Variants in ZDHHC11B observed in about 807,000 individuals in gnomAD.
The protein encoded by ZDHHC11B is zDHHC palmitoyltransferase 11B (putative).
In ZDHHC11B, 17 loss-of-function variants were observed where a neutral mutation model predicts 42.3. That is an observed-to-expected ratio of 0.40 (90% CI 0.27 to 0.60). The LOEUF is 0.60. Among genes scored for constraint, ZDHHC11B ranks in the 20% least tolerant of loss-of-function variants. The pLI is 0.41. For missense variants in ZDHHC11B, 262 were observed against 463.2 expected (o/e 0.57, Z 3.99); for synonymous variants, 123 against 193.5 (o/e 0.64, Z 3.02).
At chr5:750,257 G>C (rs1745426796) in intron 7 of ZDHHC11B, among the ~76,000 whole-genome samples, 1 of 129,322 alleles carries the variant, frequency 7.7e-6, no homozygotes, top group South Asian at 2.7e-4. Context: ...TTCTCCAGCA[G>C]ACTCTTGCAG....
chr5:727,880 T>C (rs1341069732), intron 12 of ZDHHC11B, among the ~76,000 whole-genome samples: 1 of 151,712 alleles, frequency 6.6e-6, no homozygotes, highest in African/African-American at 2.4e-5. Context: ...TGTATAACCC[T>C]GGAGTAAGAA....
In ZDHHC11B at chr5:730,415, A is replaced by G. The variant is rs756238149; in HGVS notation, c.1058+19T>C. The G allele has an allele frequency of 9.0e-5, 142 of 1,577,142 alleles. 2 individuals carry two copies. The highest frequency in any genetic ancestry group is 1.7e-4 in the Middle Eastern group (1 of 6,016). On this transcript the variant is annotated intron_variant, in intron 12 of 13. Coordinates refer to ENST00000508859, the MANE Select transcript of ZDHHC11B (RefSeq NM_001351303.2). Reference sequence around the variant, plus strand: ...GTGTACAGACAGATAAAACGTTCCCATTAAACTTACGAACTTACCCAAGTG... The same window carrying G: ...GTGTACAGACAGATAAAACGTTCCCGTTAAACTTACGAACTTACCCAAGTG...
chr5:751,410 G>GTGTGGGGTGTGCAGGGGCATGTGGGGCA lies in ZDHHC11B; in HGVS notation c.504-154_504-153insTGCCCCACATGCCCCTGCACACCCCACA, dbSNP rs1491366843. On this transcript the variant is annotated intron_variant, in intron 6 of 13. Coordinates refer to ENST00000508859, the MANE Select transcript of ZDHHC11B (RefSeq NM_001351303.2). ...AGCGGCAGGGGGCACGCAAGGGCAG[G>GTGTGGGGTGTGCAGGGGCATGTGGGGCA]TGTGGGACAGGTGTGGGGGCGGGGA... 8.6e-4 allele frequency among the ~76,000 whole-genome samples: 44 copies of GTGTGGGGTGTGCAGGGGCATGTGGGGCA among 51,432 alleles called. 1 individual carries two copies. Among genetic ancestry groups the GTGTGGGGTGTGCAGGGGCATGTGGGGCA allele is most frequent in the African/African-American group, 2.0e-3 (42 of 20,686 alleles). The allele number at this position is 51,432 out of a possible 152,430, so 33.7% of individuals were successfully genotyped here.
intron 4 of ZDHHC11B, among the ~76,000 whole-genome samples, chr5:762,881 C>T (rs1200489996): frequency 6.6e-6 from 1 of 151,466 alleles, no homozygotes; most frequent in Non-Finnish European, 1.5e-5. Context: ...TGACTCTTTT[C>T]AAGATCAATA....
chr5:745,645 A>G (rs1368579671), intron 8 of ZDHHC11B, among the ~76,000 whole-genome samples: 6 of 150,002 alleles, frequency 4.0e-5, no homozygotes, highest in Non-Finnish European at 8.9e-5. Context: ...ATGCAGCCTG[A>G]GAGGTTGCTC....
chr5:762,043 A>C (rs1477758089), intron 4 of ZDHHC11B, among the ~76,000 whole-genome samples: 9 of 150,094 alleles, frequency 6.0e-5, no homozygotes, highest in African/African-American at 2.0e-4. Flanking sequence ...AGCCACTCAC[A>C]GCCCTGGATG....
chr5:737,925 C>T lies in ZDHHC11B; in HGVS notation c.935+3669G>A, dbSNP rs535376390. On this transcript the variant is annotated intron_variant, in intron 10 of 13. Coordinates refer to ENST00000508859, the MANE Select transcript of ZDHHC11B (RefSeq NM_001351303.2). Reference sequence around the variant, plus strand: ...GATGCCCACTTTCACCACTTCCTTTCGACACAGTACTGGAAGATCTAGCCA... The same window carrying T: ...GATGCCCACTTTCACCACTTCCTTTTGACACAGTACTGGAAGATCTAGCCA... Among the ~76,000 whole-genome samples, 15 of 131,422 alleles carry T rather than the reference C, an allele frequency of 1.1e-4. 1 individual carries two copies. Among genetic ancestry groups the T allele is most frequent in the East Asian group, 5.1e-4 (2 of 3,898 alleles). The allele number at this position is 131,422 out of a possible 152,430, so 86.2% of individuals were successfully genotyped here.
chr5:758,371 T>C (rs6876813), intron 4 of ZDHHC11B, among the ~76,000 whole-genome samples: 44,468 of 146,868 alleles, frequency 0.3, 4,125 homozygotes, highest in Middle Eastern at 0.35. Context: ...CCCAGGCCCT[T>C]GGTCGCCACA....
At chr5:713,188 G>C (rs187318846) in intron 13 of ZDHHC11B, among the ~76,000 whole-genome samples, 22 of 151,384 alleles carry the variant, frequency 1.5e-4, no homozygotes, top group South Asian at 2.1e-4. Context: ...TTGCATTTCT[G>C]TCACTTTGTA....
intron 1 of ZDHHC11B, among the ~76,000 whole-genome samples, chr5:773,445 C>T (rs1297720296): frequency 2.0e-5 from 3 of 151,878 alleles, no homozygotes; most frequent in Non-Finnish European, 4.4e-5. Context: ...CAGGCGTGTA[C>T]CCACCATCTC....
chr5:745,973 C>T (rs527397045), intron 8 of ZDHHC11B, among the ~76,000 whole-genome samples: 14 of 148,776 alleles, frequency 9.4e-5, no homozygotes, highest in Admixed American at 4.1e-4. Context: ...TGTAGCCCTG[C>T]GCAGTGCCCA....
At chr5:731,955 G>A (rs1181935853) in intron 11 of ZDHHC11B, 7 of 152,320 alleles carry the variant, frequency 4.6e-5, no homozygotes, top group Non-Finnish European at 8.8e-5. Flanking sequence ...TCTCCCCATT[G>A]CCTCACCTTG....
chr5:756,875 G>T (rs1239711095), intron 4 of ZDHHC11B, among the ~76,000 whole-genome samples: 2 of 151,548 alleles, frequency 1.3e-5, no homozygotes, highest in Non-Finnish European at 2.9e-5. Flanking sequence ...ACTCATTCAG[G>T]GACCCCAGAC....
rs1741386824 is a variant in ZDHHC11B, at chr5:711,689, C to CCCCAGTCCTCTGTGCTCCCATTT, written c.*600_*601insAAATGGGAGCACAGAGGACTGGG. On this transcript the variant is annotated 3_prime_UTR_variant, in exon 14 of 14. Transcript: ENST00000508859. ...CATTTCCCAGTACTGTGCTCCTATT[C>CCCCAGTCCTCTGTGCTCCCATTT]CCCAGTACTCTGTGCTCCCATTTCC... 1 of 135,050 alleles carries CCCCAGTCCTCTGTGCTCCCATTT rather than the reference C, an allele frequency of 7.4e-6. No individual in the cohort carries two copies. Among genetic ancestry groups the CCCCAGTCCTCTGTGCTCCCATTT allele is most frequent in the Non-Finnish European group, 1.6e-5 (1 of 60,870 alleles). The allele number at this position is 135,050 out of a possible 1,614,324, so 8.4% of individuals were successfully genotyped here. A position where few individuals can be genotyped will look rare whatever the true frequency, so the allele number is the denominator to read the frequency against.
rs1488728660 is a variant in ZDHHC11B, at chr5:780,346, C to T, written c.-230+4322G>A. On this transcript the variant is annotated intron_variant, in intron 1 of 13. Coordinates refer to ENST00000508859, the MANE Select transcript of ZDHHC11B (RefSeq NM_001351303.2). ...GAAAGGGGAACCGCGTGGACATGCA[C>T]CTGCTGACAGTATGGTGGTCTCAGG... 3.3e-5 allele frequency among the ~76,000 whole-genome samples: 5 copies of T among 150,596 alleles called. No homozygotes were observed. In the East Asian group the frequency reaches 9.8e-4, roughly 30 times the overall value.
intron 11 of ZDHHC11B, among the ~76,000 whole-genome samples, chr5:732,837 C>T (rs1205516742): frequency 1.3e-5 from 2 of 151,818 alleles, no homozygotes. Context: ...CACTTGAGAC[C>T]AGAAGTTCCA....
At chr5:739,341 C>T (rs1311782623) in intron 10 of ZDHHC11B, among the ~76,000 whole-genome samples, 4 of 151,432 alleles carry the variant, frequency 2.6e-5, no homozygotes, top group African/African-American at 4.9e-5. Context: ...GAGGCTTCAG[C>T]GAGCCAAGAT....
intron 10 of ZDHHC11B, among the ~76,000 whole-genome samples, chr5:737,373 G>A (rs1437523656): frequency 1.3e-5 from 2 of 149,250 alleles, no homozygotes; most frequent in African/African-American, 5.0e-5. Flanking sequence ...ATTCTACCAG[G>A]CATCCAAAGA....
chr5:769,621 T>C (rs1166214447), intron 1 of ZDHHC11B, among the ~76,000 whole-genome samples: 24 of 151,862 alleles, frequency 1.6e-4, no homozygotes, highest in African/African-American at 5.8e-4. Flanking sequence ...GCGAGTGCGT[T>C]TCAAACCCAA....
Sources: gnomAD v4.1 joint callset for allele counts (sites outside exome capture counted in the v4.1 genomes callset) on GRCh38, gnomAD v4.1.1 for gene constraint, MANE v1.5 for transcripts, NCBI Gene and HGNC (gene_info 2026-07-23, HGNC 2026-07-21) for gene names.